ZFP91: variants seen among roughly 807,000 people sequenced by gnomAD.
ZFP91 encodes the protein ZFP91 zinc finger protein, atypical E3 ubiquitin ligase.
In ZFP91, 7 loss-of-function variants were observed where a neutral mutation model predicts 63.5. That is an observed-to-expected ratio of 0.11 (90% confidence interval 0.06 to 0.21). The LOEUF is 0.21. Ranked by LOEUF, ZFP91 falls within the 10% of genes least tolerant of loss-of-function variation. The pLI is 1.00. For synonymous variants in ZFP91, 330 were observed against 272.1 expected, an observed-to-expected ratio of 1.21 and a Z score of -2.10; for missense variants, 628 against 736.6, an observed-to-expected ratio of 0.85 and a Z score of 1.71.
At chr11:58,605,556 T>C (rs1191897545) in intron 2 of ZFP91, among the ~76,000 whole-genome samples, 2 of 148,610 alleles carry the variant, frequency 1.3e-5, no homozygotes, top group Non-Finnish European at 3.0e-5. Flanking sequence ...GAATTCTTGC[T>C]TGACGATTTT....
At chr11:58,595,572 CT>C (rs34767843) in intron 2 of ZFP91, among the ~76,000 whole-genome samples, 43,436 of 136,632 alleles carry the variant, frequency 0.32, 6,908 homozygotes, top group African/African-American at 0.51. Flanking sequence ...TAGTATCAAT[CT>C]TTTTTTTTTT....
chr11:58,599,657 T>C (rs1447874395), intron 2 of ZFP91, among the ~76,000 whole-genome samples: 2 of 152,090 alleles, frequency 1.3e-5, no homozygotes, highest in African/African-American at 4.8e-5. Flanking sequence ...ATAATCTGTT[T>C]AGGTTCTTTG....
At position 58,579,116 on chromosome 11, in the gene ZFP91, G is replaced by A. The variant is rs1189561542; in HGVS notation, c.-166G>A. On this transcript the variant is annotated 5_prime_UTR_variant, in exon 1 of 11. Coordinates refer to ENST00000316059, the MANE Select transcript of ZFP91 (RefSeq NM_053023.5). ...TAGCGGACCTTGAGTGGCAGGGGGT[G>A]GGGGGGGCGCCCTCGGAGCCGGGCG... 1.4e-5 allele frequency: 7 copies of A among 497,632 alleles called. No homozygotes were observed. The highest frequency in any genetic ancestry group is 5.5e-4 in the Middle Eastern group (1 of 1,812). 30.8% of individuals were successfully genotyped at this position (497,632 alleles called of 1,614,324 possible).
chr11:58,611,101 G>T, intron 5 of ZFP91, 47 bp downstream of exon 5: 1 of 1,551,476 alleles, frequency 6.4e-7, no homozygotes, highest in Non-Finnish European at 8.9e-7. Flanking sequence ...ATATAAGTAG[G>T]AAAGCACTGT....
intron 2 of ZFP91, among the ~76,000 whole-genome samples, chr11:58,601,911 A>C (rs1228741920): frequency 6.6e-6 from 1 of 152,040 alleles, no homozygotes; most frequent in Non-Finnish European, 1.5e-5. Flanking sequence ...GAGACTTTTC[A>C]ATATGTCTGT....
intron 2 of ZFP91, among the ~76,000 whole-genome samples, chr11:58,607,906 A>G (rs148166332): frequency 1.3e-5 from 2 of 152,162 alleles, no homozygotes; most frequent in East Asian, 3.9e-4. Context: ...GTTCTTTGCT[A>G]TTATAAACAT....
chr11:58,610,218 G>C (rs1855636863), intron 3 of ZFP91, 80 bp from the exon 4 acceptor site: 1 of 1,495,744 alleles, frequency 6.7e-7, no homozygotes, highest in African/African-American at 1.4e-5. Context: ...GCAGTAATTT[G>C]ATTTGCATTT....
At chr11:58,608,989 A>G (rs1035310764) in intron 2 of ZFP91, among the ~76,000 whole-genome samples, 2 of 152,138 alleles carry the variant, frequency 1.3e-5, no homozygotes, top group African/African-American at 2.4e-5. Context: ...TGTGTATCTT[A>G]TGACCTGAAA....
intron 1 of ZFP91, among the ~76,000 whole-genome samples, chr11:58,582,589 A>T (rs1004443998): frequency 2.0e-5 from 3 of 152,212 alleles, no homozygotes; most frequent in African/African-American, 7.2e-5. Context: ...CTCTGTTCCC[A>T]TTGGAAGGCA....
rs138165881 is a variant in ZFP91, at chr11:58,617,513, G to A, written c.1520G>A (p.Cys507Tyr). ...TTGGGAAACTCAACCTCTGGAGAGT[G>A]CCTACTGTTAGAAGCTGAAGGGATG... is the stretch of plus-strand genomic sequence containing the variant. Reference protein sequence around the residue: ...EPLGNSTSGECLLLEAEGMSK... With the variant: ...EPLGNSTSGEYLLLEAEGMSK... The change falls in exon 11 of 11, where the codon TGC (cysteine) becomes TAC (tyrosine). Residue 507 changes from cysteine to tyrosine, a missense_variant. This residue lies in a region of ZFP91 where 115 missense variants were observed against 125.4 expected (regional missense o/e 0.92). Coordinates refer to ENST00000316059, the MANE Select transcript of ZFP91 (RefSeq NM_053023.5). This position sits in a 1 kb window ranked among gnomAD's most constrained non-coding sequence, Gnocchi z 4.2. 4 of 1,614,008 alleles carry A rather than the reference G, an allele frequency of 2.5e-6. No homozygotes were observed. Among genetic ancestry groups the A allele is most frequent in the Non-Finnish European group, 3.4e-6 (4 of 1,180,018 alleles).
chr11:58,583,445 T>C lies in ZFP91; in HGVS notation c.342-1411T>C, dbSNP rs185985878. Among the ~76,000 whole-genome samples the C allele has an allele frequency of 9.1e-4, 139 of 152,184 alleles. 4 individuals are homozygous for C. The highest frequency in any genetic ancestry group is 5.0e-3 in the South Asian group (24 of 4,830). On this transcript the variant is annotated intron_variant, in intron 1 of 10. Coordinates refer to ENST00000316059, the MANE Select transcript of ZFP91 (RefSeq NM_053023.5). Reference sequence around the variant, plus strand: ...CAGTAATAAACCTTTAGGTGACCTTTCTTGCTGTTTCCCTTTTGAAGGTCA... The same window carrying C: ...CAGTAATAAACCTTTAGGTGACCTTCCTTGCTGTTTCCCTTTTGAAGGTCA...
rs1426778326 is a variant in ZFP91 at position 58,579,258 on chromosome 11, G to A, written c.-24G>A. On this transcript the variant is annotated 5_prime_UTR_variant, in exon 1 of 11. Transcript: ENST00000316059. ...CTCCGCCTCCGCCGCCTAGGACTAG[G>A]GGGTGGGGGACGGACAAGCCCCGAT... The A allele has an allele frequency of 4.3e-6, 6 of 1,411,312 alleles. No individual in the cohort carries two copies. Among genetic ancestry groups the A allele is most frequent in the African/African-American group, 1.5e-5 (1 of 65,350 alleles). 87.4% of individuals were successfully genotyped at this position (1,411,312 alleles called of 1,614,324 possible). A position where few individuals can be genotyped will look rare whatever the true frequency, so the allele number is the denominator to read the frequency against.
chr11:58,617,101 T>C lies in ZFP91; in HGVS notation c.1203-95T>C. On this transcript the variant is annotated intron_variant, in intron 10 of 10. Transcript: ENST00000316059. This position sits in a 1 kb window ranked among gnomAD's most constrained non-coding sequence, Gnocchi z 4.2. ...GTGTGTGTGTGTGTGTGTGTGTGTA[T>C]GTATATATATGCTCTAAACTCTAAC... The C allele has an allele frequency of 9.0e-7, 1 of 1,105,404 alleles. No individual in the cohort carries two copies. The highest frequency in any genetic ancestry group is 1.3e-6 in the Non-Finnish European group (1 of 778,958). 68.5% of individuals were successfully genotyped at this position (1,105,404 alleles called of 1,614,324 possible).
At chr11:58,591,266 T>G (rs1855300985) in intron 2 of ZFP91, among the ~76,000 whole-genome samples, 1 of 152,208 alleles carries the variant, frequency 6.6e-6, no homozygotes, top group South Asian at 2.1e-4. Context: ...TTGCTCATCA[T>G]TTGTGACAAA....
Position 58,617,759 on chromosome 11 carries a change from A to T in ZFP91, c.*53A>T. ...AGCTCAGACTTTGTATTTAAAAGTT[A>T]AAAAGGACAAAAAAAAAATCTAAAG... On this transcript the variant is annotated 3_prime_UTR_variant, in exon 11 of 11. Transcript: ENST00000316059. The surrounding 1 kb of genome is among the most constrained non-coding windows in gnomAD (Gnocchi z 4.2). 1 of 1,442,854 alleles carries T rather than the reference A, an allele frequency of 6.9e-7. No homozygotes were observed. The highest frequency in any genetic ancestry group is 1.7e-5 in the South Asian group (1 of 60,502). The allele number at this position is 1,442,854 out of a possible 1,614,324, so 89.4% of individuals were successfully genotyped here.
chr11:58,590,062 A>C (rs956598047), intron 2 of ZFP91, among the ~76,000 whole-genome samples: 6 of 152,220 alleles, frequency 3.9e-5, no homozygotes, highest in Non-Finnish European at 7.3e-5. Flanking sequence ...ACCACTTGAG[A>C]GTTAAAGCAG....
chr11:58,614,102 C>G (rs1201635914), intron 8 of ZFP91, 127 bp from the exon 9 acceptor site: 1 of 525,522 alleles, frequency 1.9e-6, no homozygotes, highest in African/African-American at 1.9e-5. Flanking sequence ...TTATTATACT[C>G]CCTCACTATC....
chr11:58,602,566 G>C (rs1338913420), intron 2 of ZFP91, among the ~76,000 whole-genome samples: 1 of 152,152 alleles, frequency 6.6e-6, no homozygotes, highest in African/African-American at 2.4e-5. Context: ...TTTTGTAACA[G>C]TTGTTGAAGT....
At position 58,617,981 on chromosome 11, in the gene ZFP91, C is replaced by G. The variant is rs1416226009; in HGVS notation, c.*275C>G. ...TCTTAAAGTGAGGGTTATTCTCATA[C>G]TCGGTTCCAGCCATCAGCAGACTTC... is the stretch of plus-strand genomic sequence containing the variant. On this transcript the variant is annotated 3_prime_UTR_variant, in exon 11 of 11. Transcript: ENST00000316059. The surrounding 1 kb of genome is among the most constrained non-coding windows in gnomAD (Gnocchi z 4.2). The G allele has an allele frequency of 3.2e-6, 1 of 313,546 alleles. No individual in the cohort carries two copies. Among genetic ancestry groups the G allele is most frequent in the Non-Finnish European group, 5.7e-6 (1 of 176,816 alleles). The allele number at this position is 313,546 out of a possible 1,614,324, so 19.4% of individuals were successfully genotyped here.
Sources: gnomAD v4.1 joint callset for allele counts (sites outside exome capture counted in the v4.1 genomes callset) on GRCh38, gnomAD v4.1.1 for gene constraint, gnomAD v4.1.1 regional missense constraint, Gnocchi (gnomAD v3.1) non-coding constraint, MANE v1.5 for transcripts, NCBI Gene and HGNC (gene_info 2026-07-23, HGNC 2026-07-21) for gene names.